The following PCDHA12 variants were observed in gnomAD, a reference collection of about 807,000 sequenced individuals.
PCDHA12 encodes protocadherin alpha 12, also known as protocadherin alpha-12.
In PCDHA12, 44 loss-of-function variants were observed where a neutral mutation model predicts 60.0. The observed-to-expected ratio is 0.73, with a 90% confidence interval of 0.58 to 0.94. The LOEUF is 0.94. Ranked by LOEUF, PCDHA12 falls within the 40% of genes least tolerant of loss-of-function variation. The pLI is 0.00. For missense variants in PCDHA12, 1,276 were observed against 1,239.7 expected (o/e 1.03, Z -0.44); for synonymous variants, 569 against 553.0 (o/e 1.03, Z -0.40).
At chr5:140,923,112 T>C (rs1159250649) in intron 1 of PCDHA12, among the ~76,000 whole-genome samples, 2 of 152,144 alleles carry the variant, frequency 1.3e-5, no homozygotes, top group Non-Finnish European at 2.9e-5. Flanking sequence ...TGATTTTAAG[T>C]TTTTAGGGTC....
At chr5:140,958,104 T>C (rs1554223331) in intron 1 of PCDHA12, among the ~76,000 whole-genome samples, 1 of 151,916 alleles carries the variant, frequency 6.6e-6, no homozygotes, top group Admixed American at 6.6e-5. Flanking sequence ...GTGTGTAGAG[T>C]GTGGTTCCAT....
chr5:140,903,275 T>G (rs1313552617), intron 1 of PCDHA12, among the ~76,000 whole-genome samples: 1 of 152,210 alleles, frequency 6.6e-6, no homozygotes, highest in East Asian at 1.9e-4. Context: ...TGAGGTAGTG[T>G]CTCATTGTGC....
chr5:140,898,072 G>T (rs1412097602), intron 1 of PCDHA12, among the ~76,000 whole-genome samples: 1 of 152,012 alleles, frequency 6.6e-6, no homozygotes, highest in Non-Finnish European at 1.5e-5. Flanking sequence ...TGAGTTCATT[G>T]TAGATTCTGG....
rs140680694 is a variant in PCDHA12, at chr5:140,925,580, G to A, written c.2367+47741G>A. 5.4e-3 allele frequency among the ~76,000 whole-genome samples: 819 copies of A among 151,688 alleles called. 10 individuals carry two copies. The highest frequency in any genetic ancestry group is 0.019 in the African/African-American group (777 of 41,364). On this transcript the variant is annotated intron_variant, in intron 1 of 3. Transcript: ENST00000398631. ...GTTAATGGGTGCAGCACACCAACATGGCGCATGTATACATATGTAACAAAC... is the reference window on the plus strand; with the variant it reads ...GTTAATGGGTGCAGCACACCAACATAGCGCATGTATACATATGTAACAAAC...
intron 1 of PCDHA12, among the ~76,000 whole-genome samples, chr5:140,976,568 TA>T (rs2096723296): frequency 6.6e-6 from 1 of 152,050 alleles, no homozygotes; most frequent in Non-Finnish European, 1.5e-5. Context: ...AATAAATAAA[TA>T]TAAATAAAAC....
At chr5:141,005,967 A>ACAATTC (rs1554260442) in intron 3 of PCDHA12, among the ~76,000 whole-genome samples, 1 of 152,062 alleles carries the variant, frequency 6.6e-6, no homozygotes, top group Non-Finnish European at 1.5e-5. Flanking sequence ...CAATAAAAAA[A>ACAATTC]CAATTCCAAA....
chr5:140,989,552 G>A (rs975079697), intron 3 of PCDHA12, among the ~76,000 whole-genome samples: 33 of 152,180 alleles, frequency 2.2e-4, no homozygotes, highest in African/African-American at 7.7e-4. Context: ...ATTCCTTTAC[G>A]TTTTGTGGCT....
intron 3 of PCDHA12, among the ~76,000 whole-genome samples, chr5:141,002,937 C>T (rs2098103358): frequency 6.6e-6 from 1 of 152,232 alleles, no homozygotes; most frequent in Non-Finnish European, 1.5e-5. Context: ...CCAACACCCT[C>T]CAGCACATGC....
intron 1 of PCDHA12, among the ~76,000 whole-genome samples, chr5:140,888,585 AC>A (rs1327529840): frequency 4.6e-5 from 7 of 152,358 alleles, no homozygotes; most frequent in African/African-American, 1.4e-4. Flanking sequence ...ATTTGTTAGT[AC>A]ACATTCAGAG....
intron 1 of PCDHA12, chr5:140,968,952 T>C: frequency 1.2e-6 from 2 of 1,614,192 alleles, no homozygotes; most frequent in Non-Finnish European, 1.7e-6. Context: ...TTGAGCATCA[T>C]CAAGTGCTAC....
intron 1 of PCDHA12, chr5:140,927,052 A>G: frequency 6.2e-7 from 1 of 1,611,924 alleles, no homozygotes; most frequent in Middle Eastern, 1.7e-4. Flanking sequence ...GTCCTCGCGG[A>G]ACTTTCGCTT....
chr5:140,883,625 C>G (rs1446947181), intron 1 of PCDHA12: 9 of 1,613,872 alleles, frequency 5.6e-6, no homozygotes, highest in Non-Finnish European at 6.8e-6. Context: ...CGACAACGCG[C>G]CGGCGTTCGC....
intron 1 of PCDHA12, among the ~76,000 whole-genome samples, chr5:140,893,709 G>A (rs141117049): frequency 6.6e-6 from 1 of 152,250 alleles, no homozygotes; most frequent in East Asian, 1.9e-4. Flanking sequence ...AGCCTGTAAA[G>A]CTTCTGCTGA....
chr5:140,932,421 G>T (rs530079640), intron 1 of PCDHA12, among the ~76,000 whole-genome samples: 1 of 151,878 alleles, frequency 6.6e-6, no homozygotes, highest in Non-Finnish European at 1.5e-5. Context: ...TTAGTGTATT[G>T]TTCACCTGGA....
At chr5:140,925,671 A>AATAATAATAATAATAATG (rs1445697337) in intron 1 of PCDHA12, among the ~76,000 whole-genome samples, 3 of 148,150 alleles carry the variant, frequency 2.0e-5, no homozygotes, top group African/African-American at 7.5e-5. Flanking sequence ...TAATAATAAT[A>AATAATAATAATAATAATG]ATAATAAAGC....
chr5:140,881,695 T>G (rs576802700), intron 1 of PCDHA12, among the ~76,000 whole-genome samples: 1 of 152,318 alleles, frequency 6.6e-6, no homozygotes, highest in East Asian at 1.9e-4. Flanking sequence ...CCTTTTGGAG[T>G]CAATGGCTGT....
At chr5:140,980,728 A>T (rs1268236317) in intron 2 of PCDHA12, among the ~76,000 whole-genome samples, 1 of 152,168 alleles carries the variant, frequency 6.6e-6, no homozygotes, top group African/African-American at 2.4e-5. Context: ...TTCAATTAAG[A>T]TATTATGAGA....
At position 140,876,735 on chromosome 5, in the gene PCDHA12, T is replaced by C. The variant is rs782576636; in HGVS notation, c.1263T>C (p.Tyr421=). The change falls in exon 1 of 4, where the codon TAT becomes TAC. Residue 421 remains tyrosine, a synonymous_variant. Transcript: ENST00000398631. ...TGGACCGCGAGAGCGTGTCGGCCTA[T>C]GAGCTGGTGGTGACTGCGCGGGATG... ...SALDRESVSA[Y]ELVVTARDGG... 2.0e-5 allele frequency: 33 copies of C among 1,614,084 alleles called. No homozygotes were observed. Among genetic ancestry groups the C allele is most frequent in the Non-Finnish European group, 2.7e-5 (32 of 1,180,032 alleles).
At position 141,011,769 on chromosome 5, in the gene PCDHA12, A is replaced by C. The variant is rs2098421803; in HGVS notation, c.*1832A>C. 1 of 153,794 alleles carries C rather than the reference A, an allele frequency of 6.5e-6. No homozygotes were observed. The highest frequency in any genetic ancestry group is 1.5e-5 in the Non-Finnish European group (1 of 68,040). 9.5% of individuals were successfully genotyped at this position (153,794 alleles called of 1,614,324 possible). On this transcript the variant is annotated 3_prime_UTR_variant, in exon 4 of 4. Coordinates refer to ENST00000398631, the MANE Select transcript of PCDHA12 (RefSeq NM_018903.4). ...AATCTGACCTCTTTGAAGTTGCAGA[A>C]TGCTTTGAAATTCTAATGGTATCTG... is the stretch of plus-strand genomic sequence containing the variant.
Sources: gnomAD v4.1 joint callset for allele counts (sites outside exome capture counted in the v4.1 genomes callset) on GRCh38, gnomAD v4.1.1 for gene constraint, MANE v1.5 for transcripts, NCBI Gene and HGNC (gene_info 2026-07-23, HGNC 2026-07-21) for gene names.